The following FAM13B variants were observed in gnomAD, a reference collection of about 807,000 sequenced individuals.
The protein encoded by FAM13B is protein FAM13B.
Under a neutral mutation model 117.3 loss-of-function variants are expected in FAM13B, and 60 were observed. That is an observed-to-expected ratio of 0.51 (90% CI 0.42 to 0.63). The LOEUF (loss-of-function observed/expected upper bound fraction) is 0.63. Among genes scored for constraint, FAM13B ranks in the 30% least tolerant of loss-of-function variants. The probability of loss-of-function intolerance (pLI) is 0.00; values close to 1 mark genes in which losing one functional copy is unlikely to be tolerated. For synonymous variants in FAM13B, 332 were observed against 356.1 expected (o/e 0.93, Z 0.76); for missense variants, 972 against 1,091.9 (o/e 0.89, Z 1.55).
upstream of FAM13B, chr5:138,036,860 C>CT (rs750191671): frequency 1.6e-4 from 53 of 333,946 alleles, no homozygotes; most frequent in Middle Eastern, 1.1e-3. Context: ...TTTTTTTAAA[C>CT]TTTTTTTTTC....
chr5:138,018,813 TA>T, intron 3 of FAM13B, 141 bp downstream of exon 3: 2 of 727,998 alleles, frequency 2.7e-6, no homozygotes, highest in Non-Finnish European at 4.4e-6. Flanking sequence ...AAAATCACAC[TA>T]AAACATTAAA....
intron 1 of FAM13B, chr5:138,039,768 G>C (rs1287237244): frequency 6.6e-6 from 1 of 152,006 alleles, no homozygotes; most frequent in East Asian, 1.9e-4. Flanking sequence ...CACATTTTCT[G>C]TGGCAAACTG....
At chr5:138,042,861 G>C (rs1477858845) in intron 1 of FAM13B, among the ~76,000 whole-genome samples, 1 of 152,178 alleles carries the variant, frequency 6.6e-6, no homozygotes, top group Non-Finnish European at 1.5e-5. Context: ...GGAGGCTGAG[G>C]AGGGTGGACC....
At chr5:137,998,149 C>T (rs1339515905) in intron 7 of FAM13B, among the ~76,000 whole-genome samples, 1 of 152,338 alleles carries the variant, frequency 6.6e-6, no homozygotes, top group East Asian at 1.9e-4. Flanking sequence ...CTGGTTTTGA[C>T]TGCTGCCTGA....
At chr5:138,011,656 G>A (rs1001959960) in intron 5 of FAM13B, 112 bp downstream of exon 5, 2 of 669,428 alleles carry the variant, frequency 3.0e-6, no homozygotes, top group Non-Finnish European at 5.0e-6. Context: ...CTGACCTTGT[G>A]ATCCGCCCGC....
upstream of FAM13B, among the ~76,000 whole-genome samples, chr5:138,035,897 G>C (rs2151116295): frequency 6.6e-6 from 1 of 152,288 alleles, no homozygotes; most frequent in East Asian, 1.9e-4. Context: ...ATACCTCAGA[G>C]ACTACCACCA....
intron 1 of FAM13B, among the ~76,000 whole-genome samples, chr5:138,048,273 G>A (rs1383103580): frequency 6.6e-6 from 1 of 152,162 alleles, no homozygotes. Flanking sequence ...ACGCCAAATG[G>A]CACTTTGGAG....
At chr5:137,972,167 A>T (rs1772391666) in intron 10 of FAM13B, among the ~76,000 whole-genome samples, 1 of 150,462 alleles carries the variant, frequency 6.6e-6, no homozygotes, top group Admixed American at 6.7e-5. Context: ...CAAAAAAGAG[A>T]ATTTTAGACC....
chr5:138,026,539 A>C (rs1430456309), intron 1 of FAM13B, among the ~76,000 whole-genome samples: 1 of 148,842 alleles, frequency 6.7e-6, no homozygotes, highest in Non-Finnish European at 1.5e-5. Flanking sequence ...AGGTGGAAGG[A>C]TCACTGGAGC....
chr5:137,978,266 C>T (rs529106663), intron 10 of FAM13B, among the ~76,000 whole-genome samples: 32 of 151,930 alleles, frequency 2.1e-4, no homozygotes, highest in African/African-American at 7.5e-4. Flanking sequence ...GTAGAAAAAT[C>T]TTTGCATACA....
rs764660938 is a variant in FAM13B at position 137,987,598 on chromosome 5, A to C, written c.909T>G (p.Ile303Met). 6.2e-7 allele frequency: 1 copy of C among 1,611,464 alleles called. No individual in the cohort carries two copies. Among genetic ancestry groups the C allele is most frequent in the Non-Finnish European group, 8.5e-7 (1 of 1,179,020 alleles). The change falls in exon 9 of 24, where the codon ATT becomes ATG. Residue 303 changes from isoleucine (I) to methionine (M), a missense_variant. Coordinates refer to ENST00000689681, the MANE Select transcript of FAM13B (RefSeq NM_001385994.1). ...AAAGGTGCTGTTCCACAGCTGCTCT[A>C]ATTGTTCTTTCTAAAATACTACAAA... Reference protein sequence around the residue: ...PASTDILERTIRAAVEQHLFD... With the variant: ...PASTDILERTMRAAVEQHLFD...
rs1162534501 is a variant in FAM13B at position 138,007,113 on chromosome 5, T to C, written c.725A>G (p.Glu242Gly). The change falls in exon 7 of 24, where the codon GAA becomes GGA. Residue 242 changes from glutamate to glycine, a missense_variant. By Grantham distance (98) the Glu-to-Gly change is moderately conservative. Coordinates refer to ENST00000689681, the MANE Select transcript of FAM13B (RefSeq NM_001385994.1). ...AAGTTCTTCAATATGTTCCAGCTTT[T>C]CATCTTCCTCTTCTTCCTCAGAAAG... ...NELSEEEEED[E>G]KLEHIEELPE... 6.2e-7 allele frequency: 1 copy of C among 1,611,236 alleles called. No individual in the cohort carries two copies. The highest frequency in any genetic ancestry group is 1.7e-5 in the Admixed American group (1 of 59,234).
intron 7 of FAM13B, among the ~76,000 whole-genome samples, chr5:137,990,058 T>G (rs1778227222): frequency 6.6e-6 from 1 of 152,320 alleles, no homozygotes; most frequent in East Asian, 1.9e-4. Flanking sequence ...TAACATGAAC[T>G]AGGATATTAA....
At chr5:138,005,445 G>A (rs1782300166) in intron 7 of FAM13B, among the ~76,000 whole-genome samples, 2 of 130,390 alleles carry the variant, frequency 1.5e-5, no homozygotes, top group African/African-American at 5.5e-5. Context: ...GAGGAAAAAA[G>A]GGCCAAACAA....
intron 10 of FAM13B, among the ~76,000 whole-genome samples, chr5:137,975,979 C>CT (rs1561483320): frequency 0.021 from 218 of 10,408 alleles, 7 homozygotes; most frequent in African/African-American, 0.045. Context: ...CTCAACTCTT[C>CT]CTTTTTTTTT....
At chr5:138,012,670 C>G (rs1052183237) in intron 4 of FAM13B, among the ~76,000 whole-genome samples, 2 of 152,062 alleles carry the variant, frequency 1.3e-5, no homozygotes, top group African/African-American at 4.8e-5. Context: ...TGGTGAGGAT[C>G]CCATTTGGGA....
In FAM13B at chr5:137,996,950, T is replaced by C. The variant is rs1423567018; in HGVS notation, c.849-8635A>G. Among the ~76,000 whole-genome samples, 8 of 152,320 alleles carry C rather than the reference T, an allele frequency of 5.3e-5. No homozygotes were observed. In the East Asian group the frequency reaches 1.5e-3, roughly 29 times the overall value. On this transcript the variant is annotated intron_variant, in intron 7 of 23. Coordinates refer to ENST00000689681, the MANE Select transcript of FAM13B (RefSeq NM_001385994.1). ...AAGGCATCAGAAGCACAACTTTAAA[T>C]GAACTTTATAACACGAAGTAATTTT...
intron 7 of FAM13B, among the ~76,000 whole-genome samples, chr5:137,992,229 T>C (rs917451527): frequency 4.0e-5 from 6 of 150,212 alleles, no homozygotes; most frequent in African/African-American, 9.8e-5. Context: ...ATTTTTTATA[T>C]AATAAAAAAT....
chr5:137,967,687 G>A (rs561257430), intron 10 of FAM13B, among the ~76,000 whole-genome samples: 2 of 152,054 alleles, frequency 1.3e-5, no homozygotes, highest in African/African-American at 4.8e-5. Context: ...GAAGCCAGGA[G>A]TTCAAGACCA....
Sources: gnomAD v4.1 joint callset for allele counts (sites outside exome capture counted in the v4.1 genomes callset) on GRCh38, gnomAD v4.1.1 for gene constraint, MANE v1.5 for transcripts, NCBI Gene and HGNC (gene_info 2026-07-23, HGNC 2026-07-21) for gene names.